The following MIPOL1 variants were observed in gnomAD, a reference collection of about 807,000 sequenced individuals.
MIPOL1 encodes the protein mirror-image polydactyly 1.
In MIPOL1, 57 loss-of-function variants were observed where a neutral mutation model predicts 60.9. That is an observed-to-expected ratio of 0.94 (90% CI 0.76 to 1.17). The LOEUF is 1.17. MIPOL1 is among the 50% of genes most tolerant of loss of function. The pLI is 0.00. For missense variants in MIPOL1, 551 were observed against 511.6 expected (o/e 1.08, Z -0.74); for synonymous variants, 179 against 168.8 (o/e 1.06, Z -0.47).
intron 12 of MIPOL1, among the ~76,000 whole-genome samples, chr14:37,515,129 T>C (rs1223947350): frequency 6.6e-6 from 1 of 152,156 alleles, no homozygotes; most frequent in African/African-American, 2.4e-5. Context: ...ACATTGTCCA[T>C]AGATTAACTT....
At chr14:37,207,553 TA>T (rs1966285263) in intron 1 of MIPOL1, among the ~76,000 whole-genome samples, 3 of 151,938 alleles carry the variant, frequency 2.0e-5, no homozygotes, top group African/African-American at 7.3e-5. Context: ...TTATTATTAT[TA>T]TTATTTTTTG....
At chr14:37,372,247 A>G (rs1177905401) in intron 10 of MIPOL1, among the ~76,000 whole-genome samples, 1 of 152,102 alleles carries the variant, frequency 6.6e-6, no homozygotes, top group African/African-American at 2.4e-5. Flanking sequence ...ATGGTCATAG[A>G]TTACATGGAA....
At chr14:37,297,036 C>T (rs1275164635) in intron 7 of MIPOL1, among the ~76,000 whole-genome samples, 2 of 152,170 alleles carry the variant, frequency 1.3e-5, no homozygotes, top group East Asian at 3.9e-4. Flanking sequence ...CCTTGATGAA[C>T]ATTGATGCAA....
chr14:37,400,191 A>G (rs962329790), intron 10 of MIPOL1: 11 of 152,098 alleles, frequency 7.2e-5, no homozygotes, highest in African/African-American at 2.7e-4. Flanking sequence ...TCATGAATGA[A>G]GTAAAGAAGA....
At chr14:37,497,342 T>G (rs998959887) in intron 11 of MIPOL1, among the ~76,000 whole-genome samples, 1 of 152,228 alleles carries the variant, frequency 6.6e-6, no homozygotes, top group East Asian at 1.9e-4. Flanking sequence ...GGTATACTGG[T>G]TACTGCTTTA....
At chr14:37,393,668 C>G (rs1469130672) in intron 10 of MIPOL1, among the ~76,000 whole-genome samples, 1 of 151,412 alleles carries the variant, frequency 6.6e-6, no homozygotes, top group African/African-American at 2.4e-5. Flanking sequence ...TATGGCAGGC[C>G]AACCTTTTAT....
intron 1 of MIPOL1, among the ~76,000 whole-genome samples, chr14:37,216,544 G>A (rs1169885467): frequency 6.6e-6 from 1 of 152,150 alleles, no homozygotes; most frequent in Non-Finnish European, 1.5e-5. Context: ...CACAAAACAA[G>A]TCTTCAGACA....
At chr14:37,540,045 T>A (rs1222469456) in intron 12 of MIPOL1, among the ~76,000 whole-genome samples, 3 of 152,210 alleles carry the variant, frequency 2.0e-5, no homozygotes, top group Admixed American at 6.5e-5. Flanking sequence ...TTGCTTCCCC[T>A]TCCCTTATGA....
intron 1 of MIPOL1, among the ~76,000 whole-genome samples, chr14:37,219,366 AT>A (rs1439600956): frequency 2.0e-5 from 3 of 152,016 alleles, no homozygotes; most frequent in Non-Finnish European, 2.9e-5. Context: ...CTTTTTATTT[AT>A]TTTTTATGTT....
chr14:37,262,322 T>G (rs573455763), intron 3 of MIPOL1, among the ~76,000 whole-genome samples: 14 of 152,076 alleles, frequency 9.2e-5, no homozygotes, highest in African/African-American at 3.1e-4. Flanking sequence ...AAAAAAAAAG[T>G]TTTTGCCCAT....
intron 9 of MIPOL1, among the ~76,000 whole-genome samples, chr14:37,350,127 C>T (rs1465938465): frequency 6.6e-6 from 1 of 152,136 alleles, no homozygotes; most frequent in Non-Finnish European, 1.5e-5. Context: ...GCTGGAATGC[C>T]ATGGCAAGAG....
intron 9 of MIPOL1, among the ~76,000 whole-genome samples, chr14:37,316,837 G>A (rs1455923775): frequency 1.3e-5 from 2 of 152,036 alleles, no homozygotes; most frequent in South Asian, 4.1e-4. Context: ...AATTAGCTGG[G>A]CGCAGTGGCA....
At chr14:37,220,342 A>G (rs542162489) in intron 1 of MIPOL1, among the ~76,000 whole-genome samples, 1 of 152,292 alleles carries the variant, frequency 6.6e-6, no homozygotes, top group East Asian at 1.9e-4. Flanking sequence ...CTTCTTTTTA[A>G]TGAATTATTT....
At chr14:37,320,992 C>G (rs1294941616) in intron 9 of MIPOL1, among the ~76,000 whole-genome samples, 1 of 151,948 alleles carries the variant, frequency 6.6e-6, no homozygotes, top group Non-Finnish European at 1.5e-5. Context: ...GTCTTAATTT[C>G]TGTAGCATTA....
intron 12 of MIPOL1, among the ~76,000 whole-genome samples, chr14:37,542,061 A>C (rs981271777): frequency 6.6e-6 from 1 of 152,138 alleles, no homozygotes; most frequent in Non-Finnish European, 1.5e-5. Flanking sequence ...ACTTTTTCAC[A>C]TTCCATTCAT....
intron 11 of MIPOL1, among the ~76,000 whole-genome samples, chr14:37,451,752 G>A (rs1594407790): frequency 6.6e-6 from 1 of 150,410 alleles, no homozygotes; most frequent in South Asian, 2.1e-4. Flanking sequence ...AATTGTATTT[G>A]CCAAAATGTA....
chr14:37,529,292 A>G (rs779867813), intron 12 of MIPOL1, among the ~76,000 whole-genome samples: 3 of 152,190 alleles, frequency 2.0e-5, no homozygotes, highest in African/African-American at 4.8e-5. Context: ...TTATTACAAG[A>G]TATAAAGACA....
intron 3 of MIPOL1, among the ~76,000 whole-genome samples, chr14:37,251,234 T>A (rs12588348): frequency 0.03 from 4,507 of 151,914 alleles, 145 homozygotes; most frequent in Admixed American, 0.091. Context: ...CTAATTTTTT[T>A]AAAAATGGTT....
At chr14:37,517,934 A>C (rs951228186) in intron 12 of MIPOL1, among the ~76,000 whole-genome samples, 3 of 152,178 alleles carry the variant, frequency 2.0e-5, no homozygotes, top group African/African-American at 7.2e-5. Context: ...TTGACTTTTG[A>C]GCCATGTAAA....
Sources: gnomAD v4.1 joint callset for allele counts (sites outside exome capture counted in the v4.1 genomes callset) on GRCh38, gnomAD v4.1.1 for gene constraint, MANE v1.5 for transcripts, NCBI Gene and HGNC (gene_info 2026-07-23, HGNC 2026-07-21) for gene names.